The following ANO3 variants were observed in gnomAD, a reference collection of about 807,000 sequenced individuals.
ANO3 encodes anoctamin-3.
ANO3 carries 99 observed loss-of-function variants against 144.8 expected under a neutral mutation model. That is an observed-to-expected ratio of 0.68 (90% CI 0.58 to 0.81). The LOEUF is 0.81. Ranked by LOEUF, ANO3 falls within the 30% of genes least tolerant of loss-of-function variation. The probability of loss-of-function intolerance (pLI) is 0.00; values close to 1 mark genes in which losing one functional copy is unlikely to be tolerated. For missense variants in ANO3, 905 were observed against 1,202.2 expected, an observed-to-expected ratio of 0.75 and a Z score of 3.66; for synonymous variants, 414 against 392.6, an observed-to-expected ratio of 1.05 and a Z score of -0.64.
chr11:26,559,392 A>G (rs1181784267), intron 13 of ANO3: 1 of 196,482 alleles, frequency 5.1e-6, no homozygotes, highest in African/African-American at 2.3e-5. Flanking sequence ...ATTTCATACA[A>G]CTTTCATTAA....
chr11:26,202,018 G>A (rs2133912923), intron 1 of ANO3, among the ~76,000 whole-genome samples: 1 of 150,806 alleles, frequency 6.6e-6, no homozygotes, highest in Admixed American at 6.6e-5. Flanking sequence ...TTTGCAGAAA[G>A]GTCAGTTTAA....
At chr11:26,635,742 T>G (rs921957069) in intron 20 of ANO3, among the ~76,000 whole-genome samples, 3 of 152,220 alleles carry the variant, frequency 2.0e-5, no homozygotes, top group African/African-American at 7.2e-5. Context: ...TTCTTGAACA[T>G]TTTATATTTC....
At chr11:26,426,030 T>G (rs143719266) in intron 1 of ANO3, among the ~76,000 whole-genome samples, 1,968 of 152,296 alleles carry the variant, frequency 0.013, 58 homozygotes, top group Admixed American at 0.069. Flanking sequence ...TTCCAAAGTC[T>G]GTCTTTTATT....
chr11:26,624,359 C>A, intron 17 of ANO3, 103 bp from the exon 18 acceptor site: 1 of 741,746 alleles, frequency 1.3e-6, no homozygotes, highest in Non-Finnish European at 2.2e-6. Flanking sequence ...TAAAATGTAA[C>A]CACTGTATAA....
chr11:26,660,662 T>C lies in ANO3; in HGVS notation c.*218T>C. ...GACCTTAAAAAGGGTTAGATTGACATTGCAGGAAGCCAGGATGTAATTCTC... is the reference window on the plus strand; with the variant it reads ...GACCTTAAAAAGGGTTAGATTGACACTGCAGGAAGCCAGGATGTAATTCTC... On this transcript the variant is annotated 3_prime_UTR_variant, in exon 27 of 27. Transcript: ENST00000256737. 2.1e-6 allele frequency: 1 copy of C among 467,624 alleles called. No homozygotes were observed. 29.0% of individuals were successfully genotyped at this position (467,624 alleles called of 1,614,324 possible). A position where few individuals can be genotyped will look rare whatever the true frequency, so the allele number is the denominator to read the frequency against.
At chr11:26,536,951 C>CT (rs377711511) in intron 9 of ANO3, among the ~76,000 whole-genome samples, 5 of 150,214 alleles carry the variant, frequency 3.3e-5, no homozygotes, top group African/African-American at 9.8e-5. Context: ...CTATTTATGT[C>CT]TTTTTTTGTT....
At chr11:26,410,420 T>C (rs1433468479) in intron 1 of ANO3, among the ~76,000 whole-genome samples, 1 of 151,888 alleles carries the variant, frequency 6.6e-6, no homozygotes, top group Non-Finnish European at 1.5e-5. Flanking sequence ...AGTAATATAC[T>C]TCCTTTGTAA....
chr11:26,648,740 CAG>C (rs1294724892), intron 24 of ANO3, among the ~76,000 whole-genome samples: 1 of 152,126 alleles, frequency 6.6e-6, no homozygotes, highest in African/African-American at 2.4e-5. Flanking sequence ...GCACATGAAA[CAG>C]AGCTGTAGCT....
chr11:26,565,525 A>C, intron 14 of ANO3: 3 of 1,613,416 alleles, frequency 1.9e-6, no homozygotes, highest in Admixed American at 1.7e-5. Flanking sequence ...CTATGGATCA[A>C]GGGAGGGCTT....
chr11:26,246,456 T>TTATATATATATA (rs150219099), intron 1 of ANO3, among the ~76,000 whole-genome samples: 37 of 140,030 alleles, frequency 2.6e-4, no homozygotes, highest in South Asian at 9.3e-4. Flanking sequence ...AGTGTAGTCT[T>TTATATATATATA]TATATATATA....
chr11:26,292,661 C>G (rs1853987090), intron 1 of ANO3, among the ~76,000 whole-genome samples: 1 of 152,138 alleles, frequency 6.6e-6, no homozygotes, highest in Non-Finnish European at 1.5e-5. Flanking sequence ...TTCCTTCTAA[C>G]AGTTAGGACC....
At chr11:26,338,037 G>A (rs1268041729) in intron 1 of ANO3, among the ~76,000 whole-genome samples, 4 of 151,952 alleles carry the variant, frequency 2.6e-5, no homozygotes, top group Non-Finnish European at 5.9e-5. Context: ...CCACCTCTGT[G>A]CCTTTGAACA....
intron 1 of ANO3, among the ~76,000 whole-genome samples, chr11:26,371,293 G>A (rs1856247933): frequency 6.6e-6 from 1 of 152,230 alleles, no homozygotes; most frequent in Non-Finnish European, 1.5e-5. Context: ...TCCAGTGGGT[G>A]CACAAAAGAC....
At chr11:26,311,807 C>T (rs1369985660) in intron 1 of ANO3, among the ~76,000 whole-genome samples, 1 of 152,056 alleles carries the variant, frequency 6.6e-6, no homozygotes, top group Non-Finnish European at 1.5e-5. Flanking sequence ...GGGAATTGAT[C>T]CATATTTCCC....
intron 14 of ANO3, chr11:26,560,082 A>T: frequency 3.8e-6 from 1 of 265,104 alleles, no homozygotes; most frequent in Non-Finnish European, 7.1e-6. Flanking sequence ...ATCCAAATTA[A>T]TCTTCTTATA....
intron 1 of ANO3, among the ~76,000 whole-genome samples, chr11:26,342,257 A>G (rs1264681917): frequency 2.6e-5 from 4 of 152,150 alleles, no homozygotes; most frequent in African/African-American, 7.2e-5. Context: ...AGTAGGCTAA[A>G]TGCATGTGCT....
intron 1 of ANO3, among the ~76,000 whole-genome samples, chr11:26,413,167 C>G (rs1857478312): frequency 6.6e-6 from 1 of 151,926 alleles, no homozygotes; most frequent in Non-Finnish European, 1.5e-5. Flanking sequence ...TGGCTTGGCA[C>G]TATGTTGCCC....
At position 26,595,506 on chromosome 11, in the gene ANO3, G is replaced by C. The variant is rs559932912; in HGVS notation, c.1448-2859G>C. The stretch of plus-strand genomic sequence containing the variant: ...TTTTTTTATTCTGTAAGTACTTTAA[G>C]GCTTGGCTGAGTGCAAACAGCTCAC... On this transcript the variant is annotated intron_variant, in intron 14 of 26. Coordinates refer to ENST00000256737, the MANE Select transcript of ANO3 (RefSeq NM_031418.4). 3.5e-5 allele frequency among the ~76,000 whole-genome samples: 4 copies of C among 114,612 alleles called. No homozygotes were observed. The South Asian group carries it at 1.1e-3, about 33-fold the overall frequency. 75.2% of individuals were successfully genotyped at this position (114,612 alleles called of 152,430 possible).
At chr11:26,397,163 C>T (rs571365212) in intron 1 of ANO3, among the ~76,000 whole-genome samples, 3 of 152,108 alleles carry the variant, frequency 2.0e-5, no homozygotes, top group East Asian at 1.9e-4. Flanking sequence ...TCAAGCTAAT[C>T]GCAAGGACTG....
Sources: gnomAD v4.1 joint callset for allele counts (sites outside exome capture counted in the v4.1 genomes callset) on GRCh38, gnomAD v4.1.1 for gene constraint, MANE v1.5 for transcripts, NCBI Gene and HGNC (gene_info 2026-07-23, HGNC 2026-07-21) for gene names.